Variants in GALNT13 observed in about 807,000 individuals in gnomAD.
GALNT13 encodes UDP-GalNAc:polypeptide N-acetylgalactosaminyltransferase 13.
A neutral mutation model predicts 64.2 loss-of-function variants in GALNT13; 28 were observed. The ratio of observed to expected loss-of-function variants is 0.44; its 90% CI spans 0.32 to 0.60. GALNT13 has a LOEUF of 0.60. Among genes scored for constraint, GALNT13 ranks in the 20% least tolerant of loss-of-function variants. The probability of loss-of-function intolerance (pLI) is 0.05; values close to 1 mark genes in which losing one functional copy is unlikely to be tolerated. For synonymous variants in GALNT13, 214 were observed against 224.6 expected (o/e 0.95, Z 0.42); for missense variants, 577 against 669.8 (o/e 0.86, Z 1.53).
the GALNT13 span, among the ~76,000 whole-genome samples, chr2:153,681,536 G>A: frequency 6.6e-6 from 1 of 151,620 alleles, no homozygotes; most frequent in Non-Finnish European, 1.5e-5. Flanking sequence ...GACATGAACA[G>A]AATTTTAAAA....
At chr2:153,089,061 T>C in the GALNT13 span, among the ~76,000 whole-genome samples, 1 of 152,224 alleles carries the variant, frequency 6.6e-6, no homozygotes, top group Admixed American at 6.5e-5. Flanking sequence ...GTTATTGTTT[T>C]ATAGGTCATG....
At chr2:153,219,124 CTG>C in the GALNT13 span, among the ~76,000 whole-genome samples, 1 of 152,180 alleles carries the variant, frequency 6.6e-6, no homozygotes, top group South Asian at 2.1e-4. Context: ...AATTAATAGA[CTG>C]TATGCCTCAA....
chr2:153,449,133 A>G, the GALNT13 span, among the ~76,000 whole-genome samples: 1 of 152,200 alleles, frequency 6.6e-6, no homozygotes, highest in African/African-American at 2.4e-5. Context: ...TCTACAAGCC[A>G]GGAACAGAGC....
intron 3 of GALNT13, among the ~76,000 whole-genome samples, chr2:153,982,273 A>G (rs979294587): frequency 1.3e-5 from 2 of 152,124 alleles, no homozygotes; most frequent in African/African-American, 4.8e-5. Context: ...AAGGACGGAA[A>G]TGTACTTGGC....
chr2:154,117,759 A>G (rs539941201), intron 3 of GALNT13, among the ~76,000 whole-genome samples: 1 of 152,302 alleles, frequency 6.6e-6, no homozygotes, highest in South Asian at 2.1e-4. Context: ...TGTTCAAAAA[A>G]TGGTGCTGGG....
chr2:154,071,898 A>G (rs938601528), intron 3 of GALNT13, among the ~76,000 whole-genome samples: 2 of 152,122 alleles, frequency 1.3e-5, no homozygotes, highest in Non-Finnish European at 2.9e-5. Context: ...GATGAAATAG[A>G]CAAGAAGCAC....
At chr2:153,711,610 G>T in the GALNT13 span, among the ~76,000 whole-genome samples, 1 of 152,140 alleles carries the variant, frequency 6.6e-6, no homozygotes, top group African/African-American at 2.4e-5. Flanking sequence ...TTAATACAAA[G>T]AAGTTAAGTA....
chr2:153,817,343 TC>T, the GALNT13 span, among the ~76,000 whole-genome samples: 1 of 152,214 alleles, frequency 6.6e-6, no homozygotes, highest in Non-Finnish European at 1.5e-5. Context: ...CTCATAAAAT[TC>T]AGTTTTAGCA....
chr2:154,323,156 C>A (rs1694713691), intron 9 of GALNT13, among the ~76,000 whole-genome samples: 1 of 151,322 alleles, frequency 6.6e-6, no homozygotes, highest in Non-Finnish European at 1.5e-5. Context: ...AGCAGCTGAG[C>A]ATAATGACTT....
chr2:153,581,134 A>G, the GALNT13 span, among the ~76,000 whole-genome samples: 2 of 151,958 alleles, frequency 1.3e-5, no homozygotes. Context: ...CTTAGTTTTG[A>G]ACAGTATGTG....
chr2:154,278,937 A>T (rs925438871), intron 8 of GALNT13, among the ~76,000 whole-genome samples: 2 of 152,166 alleles, frequency 1.3e-5, no homozygotes, highest in African/African-American at 4.8e-5. Flanking sequence ...ATTTAAAATA[A>T]AATATCATCT....
At chr2:154,361,812 A>G (rs1351205444) in intron 9 of GALNT13, among the ~76,000 whole-genome samples, 1 of 152,036 alleles carries the variant, frequency 6.6e-6, no homozygotes, top group Non-Finnish European at 1.5e-5. Context: ...AACATTATTC[A>G]CCTCAGTCTT....
At chr2:153,686,491 G>T in the GALNT13 span, among the ~76,000 whole-genome samples, 1 of 151,984 alleles carries the variant, frequency 6.6e-6, no homozygotes, top group Non-Finnish European at 1.5e-5. Context: ...CATTGATTTT[G>T]TATCCTGAGA....
the GALNT13 span, among the ~76,000 whole-genome samples, chr2:153,207,614 A>G: frequency 1.3e-5 from 2 of 152,150 alleles, no homozygotes; most frequent in South Asian, 4.1e-4. Flanking sequence ...TAAGAAGAGA[A>G]AGATAAAGAA....
intron 1 of GALNT13, among the ~76,000 whole-genome samples, chr2:153,876,738 C>T (rs1686407641): frequency 6.6e-6 from 1 of 152,032 alleles, no homozygotes; most frequent in Admixed American, 6.6e-5. Context: ...TCCTTAAATT[C>T]ATTTATAGCT....
chr2:153,899,078 C>A (rs1047622228), intron 1 of GALNT13, among the ~76,000 whole-genome samples: 4 of 152,158 alleles, frequency 2.6e-5, no homozygotes, highest in African/African-American at 9.7e-5. Context: ...GAGAAATCTT[C>A]TGCTTTTGAA....
intron 4 of GALNT13, among the ~76,000 whole-genome samples, chr2:154,239,322 G>C (rs1248808345): frequency 2.6e-5 from 4 of 152,078 alleles, no homozygotes; most frequent in Non-Finnish European, 4.4e-5. Flanking sequence ...TTTAAAAAAT[G>C]ATGCTGAGTA....
chr2:153,691,849 T>C, the GALNT13 span, among the ~76,000 whole-genome samples: 12 of 152,104 alleles, frequency 7.9e-5, 1 homozygote, highest in Non-Finnish European at 1.2e-4. Flanking sequence ...TATATATACA[T>C]GCTTTGTAAA....
At chr2:153,743,756 A>G in the GALNT13 span, among the ~76,000 whole-genome samples, 1 of 152,168 alleles carries the variant, frequency 6.6e-6, no homozygotes, top group African/African-American at 2.4e-5. Context: ...TTGCAATCAA[A>G]TAGTAAATCT....
Sources: allele counts gnomAD v4.1 joint callset (sites outside exome capture counted in the v4.1 genomes callset), GRCh38; gene constraint gnomAD v4.1.1; transcripts MANE v1.5; gene names NCBI Gene and HGNC (gene_info 2026-07-23, HGNC 2026-07-21).